Variants in ZC3H18 observed in about 807,000 individuals in gnomAD.
The protein encoded by ZC3H18 is zinc finger CCCH domain-containing protein 18.
In ZC3H18, 8 loss-of-function variants were observed where a neutral mutation model predicts 106.1. That is an observed-to-expected ratio of 0.08 (90% CI 0.04 to 0.14). The LOEUF (loss-of-function observed/expected upper bound fraction) is 0.14, where lower values mean the gene tolerates loss of function less well. Ranked by LOEUF, ZC3H18 falls within the 10% of genes least tolerant of loss-of-function variation. The pLI, the probability that ZC3H18 is intolerant of heterozygous loss-of-function variation, is 1.00. For synonymous variants in ZC3H18, 635 were observed against 522.1 expected (o/e 1.22, Z -2.95); for missense variants, 1,318 against 1,278.4 (o/e 1.03, Z -0.47).
intron 6 of ZC3H18, among the ~76,000 whole-genome samples, chr16:88,608,217 C>G (rs1459195520): frequency 1.3e-5 from 2 of 152,208 alleles, no homozygotes; most frequent in African/African-American, 4.8e-5. Flanking sequence ...CAGGGGGTGC[C>G]TCCACACAGG....
chr16:88,576,853 C>A (rs541197280), intron 1 of ZC3H18, among the ~76,000 whole-genome samples: 1 of 152,220 alleles, frequency 6.6e-6, no homozygotes, highest in Admixed American at 6.5e-5. Flanking sequence ...GGCCAGGCTG[C>A]GTCTCCTTCT....
intron 3 of ZC3H18, among the ~76,000 whole-genome samples, chr16:88,587,082 T>G (rs1915483166): frequency 6.6e-6 from 1 of 152,206 alleles, no homozygotes. Flanking sequence ...AGATGGCCGC[T>G]TTTCCTGCAA....
chr16:88,608,765 T>C, intron 6 of ZC3H18, 169 bp from the exon 7 acceptor site: 2 of 560,692 alleles, frequency 3.6e-6, no homozygotes, highest in Non-Finnish European at 6.5e-6. Context: ...TCTGGCCTGC[T>C]CTTAGATGTA....
In ZC3H18 at chr16:88,631,653, C is replaced by T. The variant is rs962812335; in HGVS notation, c.*354C>T. The T allele has an allele frequency of 2.1e-6, 1 of 473,258 alleles. No homozygotes were observed. Among genetic ancestry groups the T allele is most frequent in the Non-Finnish European group, 4.2e-6 (1 of 238,686 alleles). The allele number at this position is 473,258 out of a possible 1,614,324, so 29.3% of individuals were successfully genotyped here. A position where few individuals can be genotyped will look rare whatever the true frequency, so the allele number is the denominator to read the frequency against. On this transcript the variant is annotated 3_prime_UTR_variant, in exon 18 of 18. Transcript: ENST00000301011. The stretch of plus-strand genomic sequence containing the variant: ...TGGAGCCCCAGCTCTGGGTCCCTAG[C>T]CCGGGTCCAGGCAGCCAGGCTCCCT...
At position 88,591,736 on chromosome 16, in the gene ZC3H18, G is replaced by C. The variant is rs1372839880; in HGVS notation, c.688+5052G>C. ...AAAATCTCTTCAGACCCTGCTTTCA[G>C]CTCTTTCGCATGTGCCTGGCAGTGG... On this transcript the variant is annotated intron_variant, in intron 3 of 17. Transcript: ENST00000301011. Among the ~76,000 whole-genome samples the C allele has an allele frequency of 5.9e-5, 9 of 152,254 alleles. No homozygotes were observed. In the South Asian group the frequency reaches 6.2e-4, roughly 10 times the overall value.
intron 6 of ZC3H18, among the ~76,000 whole-genome samples, chr16:88,603,983 C>T (rs190108778): frequency 2.6e-5 from 4 of 152,050 alleles, no homozygotes; most frequent in Non-Finnish European, 4.4e-5. Flanking sequence ...CAGACGCACT[C>T]TGATTCGCAG....
chr16:88,573,562 A>G (rs1914543994), intron 1 of ZC3H18, among the ~76,000 whole-genome samples: 4 of 151,898 alleles, frequency 2.6e-5, no homozygotes. Context: ...CATTTTCAGC[A>G]GTGTATACCA....
chr16:88,613,799 C>T (rs1305066348), intron 8 of ZC3H18, among the ~76,000 whole-genome samples: 3 of 152,118 alleles, frequency 2.0e-5, no homozygotes, highest in Admixed American at 6.5e-5. Flanking sequence ...GTTTTGGTGT[C>T]ATGTAAGATA....
At position 88,580,838 on chromosome 16, in the gene ZC3H18, A is replaced by G. The variant is rs569942200; in HGVS notation, c.603+3112A>G. ...GTGCAAAGTGTCCGTTCTAGAAGAC[A>G]TTTTTCTCGTTGCTTTCAAGTAGAG... On this transcript the variant is annotated intron_variant, in intron 2 of 17. Coordinates refer to ENST00000301011, the MANE Select transcript of ZC3H18 (RefSeq NM_144604.4). Among the ~76,000 whole-genome samples, 467 of 151,812 alleles carry G rather than the reference A, an allele frequency of 3.1e-3. 2 individuals carry two copies. Among genetic ancestry groups the G allele is most frequent in the African/African-American group, 0.011 (449 of 41,348 alleles).
At chr16:88,584,295 A>T (rs1915310325) in intron 2 of ZC3H18, among the ~76,000 whole-genome samples, 1 of 151,946 alleles carries the variant, frequency 6.6e-6, no homozygotes, top group South Asian at 2.1e-4. Flanking sequence ...GATGTCGGGC[A>T]CCTGTAATCC....
intron 8 of ZC3H18, among the ~76,000 whole-genome samples, chr16:88,619,710 C>T (rs1158245024): frequency 6.6e-6 from 1 of 152,136 alleles, no homozygotes; most frequent in Non-Finnish European, 1.5e-5. Flanking sequence ...TTTTTCCTTC[C>T]CCCTCACCGC....
rs144983071 is a variant in ZC3H18 at position 88,574,415 on chromosome 16, G to T, written c.-14-2695G>T. The stretch of plus-strand genomic sequence containing the variant: ...GTAGAGACCGGGTTTCACCATGTTG[G>T]CCAGGCTGGTCTTGAACTCCTGACT... On this transcript the variant is annotated intron_variant, in intron 1 of 17. Coordinates refer to ENST00000301011, the MANE Select transcript of ZC3H18 (RefSeq NM_144604.4). Among the ~76,000 whole-genome samples, 348 of 151,662 alleles carry T rather than the reference G, an allele frequency of 2.3e-3. 4 individuals are homozygous for T. The highest frequency in any genetic ancestry group is 8.1e-3 in the African/African-American group (336 of 41,398).
intron 2 of ZC3H18, among the ~76,000 whole-genome samples, chr16:88,578,646 G>A (rs908314521): frequency 6.6e-6 from 1 of 152,146 alleles, no homozygotes; most frequent in African/African-American, 2.4e-5. Flanking sequence ...GTTGAGGCAG[G>A]TAAAGGCTGC....
intron 3 of ZC3H18, among the ~76,000 whole-genome samples, chr16:88,595,416 A>G (rs1904377998): frequency 6.6e-6 from 1 of 151,062 alleles, no homozygotes. Context: ...TTGAAGTCCC[A>G]TTTGTAAACC....
chr16:88,631,057 G>C lies in ZC3H18; in HGVS notation c.2664-44G>C, dbSNP rs756463334. Reference sequence around the variant, plus strand: ...GGGGAGGTCACCCCTTCCACCTGCAGACGTGGCTTCTGGGGGCTCAAGGTC... The same window carrying C: ...GGGGAGGTCACCCCTTCCACCTGCACACGTGGCTTCTGGGGGCTCAAGGTC... On this transcript the variant is annotated intron_variant, in intron 17 of 17. Transcript: ENST00000301011. 4 of 1,608,740 alleles carry C rather than the reference G, an allele frequency of 2.5e-6. No homozygotes were observed. The African/African-American group carries it at 5.3e-5, about 21-fold the overall frequency.
At chr16:88,586,526 C>T in intron 2 of ZC3H18, 74 bp from the exon 3 acceptor site, 2 of 1,242,694 alleles carry the variant, frequency 1.6e-6, no homozygotes. Context: ...AGCTTCCTGC[C>T]CCTTCTGGTT....
At chr16:88,608,383 G>A (rs1405010988) in intron 6 of ZC3H18, 2 of 150,524 alleles carry the variant, frequency 1.3e-5, no homozygotes, top group African/African-American at 4.9e-5. Flanking sequence ...TAATTTTCAA[G>A]ACGGAGTTTC....
At chr16:88,590,122 T>A (rs1342685465) in intron 3 of ZC3H18, among the ~76,000 whole-genome samples, 1 of 152,128 alleles carries the variant, frequency 6.6e-6, no homozygotes, top group Non-Finnish European at 1.5e-5. Context: ...ATCTTTCTTT[T>A]TTAAATTACT....
At chr16:88,595,698 T>C (rs906164840) in intron 3 of ZC3H18, among the ~76,000 whole-genome samples, 1 of 151,294 alleles carries the variant, frequency 6.6e-6, no homozygotes, top group Non-Finnish European at 1.5e-5. Flanking sequence ...TCCCAGCTAC[T>C]CGGGAGGCTG....
Sources: gnomAD v4.1 joint callset for allele counts (sites outside exome capture counted in the v4.1 genomes callset) on GRCh38, gnomAD v4.1.1 for gene constraint, MANE v1.5 for transcripts, NCBI Gene and HGNC (gene_info 2026-07-23, HGNC 2026-07-21) for gene names.